Variants in STARD13 observed in about 807,000 individuals in gnomAD.
STARD13 encodes stAR-related lipid transfer protein 13.
In STARD13, 62 loss-of-function variants were observed where a neutral mutation model predicts 106.4. The observed-to-expected ratio is 0.58, with a 90% CI of 0.48 to 0.72. The LOEUF is 0.72. Among genes scored for constraint, STARD13 ranks in the 30% least tolerant of loss-of-function variants. The probability of loss-of-function intolerance (pLI) is 0.00; values close to 1 mark genes in which losing one functional copy is unlikely to be tolerated. For missense variants in STARD13, 1,387 were observed against 1,424.0 expected (o/e 0.97, Z 0.42); for synonymous variants, 565 against 553.0 (o/e 1.02, Z -0.31).
At chr13:33,293,228 T>C (rs973785748) in intron 1 of STARD13, among the ~76,000 whole-genome samples, 10 of 152,200 alleles carry the variant, frequency 6.6e-5, no homozygotes, top group Non-Finnish European at 1.0e-4. Context: ...TGCTAATTTT[T>C]CCCAGTAGAC....
the STARD13 span, among the ~76,000 whole-genome samples, chr13:33,596,921 T>C: frequency 6.6e-6 from 1 of 152,248 alleles, no homozygotes; most frequent in Non-Finnish European, 1.5e-5. Context: ...TCACATTTTC[T>C]TTGTCTATTC....
the STARD13 span, among the ~76,000 whole-genome samples, chr13:33,500,874 T>A: frequency 6.6e-6 from 1 of 152,076 alleles, no homozygotes; most frequent in Non-Finnish European, 1.5e-5. Context: ...TCTTACTGTT[T>A]TTCAATTTAA....
rs144949934 is a variant in STARD13 at position 33,124,558 on chromosome 13, C to T, written c.2082+1523G>A. Among the ~76,000 whole-genome samples the T allele has an allele frequency of 4.2e-3, 644 of 152,228 alleles. 7 individuals are homozygous for T. Among genetic ancestry groups the T allele is most frequent in the African/African-American group, 0.015 (607 of 41,524 alleles). The stretch of plus-strand genomic sequence containing the variant: ...AGGTTTTGGTGCCCTGTGTCTTTCT[C>T]TCTACTGATAAGACTTTTGCTTCTA... On this transcript the variant is annotated intron_variant, in intron 7 of 13. Transcript: ENST00000336934.
chr13:33,600,010 T>C, the STARD13 span, among the ~76,000 whole-genome samples: 1 of 152,188 alleles, frequency 6.6e-6, no homozygotes, highest in African/African-American at 2.4e-5. Flanking sequence ...AACTACGTGA[T>C]CAAACTTGCT....
At chr13:33,310,373 T>TCTTTATAAGTG (rs1893084852) in intron 1 of STARD13, among the ~76,000 whole-genome samples, 1 of 152,200 alleles carries the variant, frequency 6.6e-6, no homozygotes, top group South Asian at 2.1e-4. Context: ...CCAGCCTTCT[T>TCTTTATAAGTG]CTTTATAAGT....
the STARD13 span, among the ~76,000 whole-genome samples, chr13:33,609,912 A>T: frequency 2.6e-5 from 4 of 152,166 alleles, no homozygotes; most frequent in African/African-American, 9.7e-5. Context: ...TACACTAGGC[A>T]TGTGTGCTAG....
At chr13:33,514,244 G>T in the STARD13 span, among the ~76,000 whole-genome samples, 1 of 152,186 alleles carries the variant, frequency 6.6e-6, no homozygotes, top group African/African-American at 2.4e-5. Context: ...TGGACACAGT[G>T]TTTGGGAGGA....
chr13:33,604,799 T>TA, the STARD13 span, among the ~76,000 whole-genome samples: 1,185 of 137,680 alleles, frequency 8.6e-3, 22 homozygotes, highest in African/African-American at 0.021. Context: ...ACTTTGTCTT[T>TA]AAAAAAAAAA....
At chr13:33,611,390 T>C in the STARD13 span, 3 of 152,274 alleles carry the variant, frequency 2.0e-5, no homozygotes, top group South Asian at 2.1e-4. Flanking sequence ...GACAAAATTC[T>C]TTCCAACGCT....
At chr13:33,595,542 C>A in the STARD13 span, among the ~76,000 whole-genome samples, 6 of 151,774 alleles carry the variant, frequency 4.0e-5, no homozygotes, top group South Asian at 2.1e-4. Flanking sequence ...AGAAAGATAC[C>A]CTTATTTAAA....
the STARD13 span, among the ~76,000 whole-genome samples, chr13:33,381,884 G>A: frequency 1.3e-5 from 2 of 152,062 alleles, no homozygotes; most frequent in East Asian, 1.9e-4. Context: ...ATATGGTTTT[G>A]CATAATGATA....
chr13:33,524,329 T>C, the STARD13 span: 1 of 1,198,766 alleles, frequency 8.3e-7, no homozygotes, highest in Admixed American at 2.8e-5. Flanking sequence ...AATTCCTTTC[T>C]TCTGATGATT....
the STARD13 span, among the ~76,000 whole-genome samples, chr13:33,554,116 T>C: frequency 6.6e-6 from 1 of 152,142 alleles, no homozygotes. Context: ...TTAATAGATA[T>C]TTAACCACAT....
chr13:33,255,288 C>T (rs1008474113), intron 1 of STARD13, among the ~76,000 whole-genome samples: 1 of 152,182 alleles, frequency 6.6e-6, no homozygotes, highest in African/African-American at 2.4e-5. Context: ...CCCAGTGTCA[C>T]AACCCTTCTT....
chr13:33,366,039 G>C, the STARD13 span, among the ~76,000 whole-genome samples: 10 of 151,530 alleles, frequency 6.6e-5, no homozygotes, highest in African/African-American at 2.4e-4. The surrounding 1 kb of genome is among the most constrained non-coding windows in gnomAD (Gnocchi z 4.2). Context: ...GCCAGTTAGA[G>C]ACTTTTATCA....
chr13:33,172,461 C>G (rs1422047254), intron 1 of STARD13, among the ~76,000 whole-genome samples: 1 of 152,124 alleles, frequency 6.6e-6, no homozygotes, highest in Non-Finnish European at 1.5e-5. Flanking sequence ...AGTCTCTTAG[C>G]TACAGACAGT....
intron 1 of STARD13, among the ~76,000 whole-genome samples, chr13:33,236,708 T>C (rs1889207505): frequency 6.6e-6 from 1 of 152,170 alleles, no homozygotes; most frequent in East Asian, 1.9e-4. Flanking sequence ...CAATGCTTGA[T>C]CTTGAGGTAA....
the STARD13 span, among the ~76,000 whole-genome samples, chr13:33,555,090 T>C: frequency 6.6e-6 from 1 of 152,162 alleles, no homozygotes; most frequent in African/African-American, 2.4e-5. Context: ...TGTTCTGAGA[T>C]AACTAAGAAA....
chr13:33,391,496 C>T, the STARD13 span, among the ~76,000 whole-genome samples: 3 of 152,158 alleles, frequency 2.0e-5, no homozygotes, highest in Non-Finnish European at 4.4e-5. Context: ...ACAAGACAAT[C>T]ACACCACATA....
Sources: allele counts gnomAD v4.1 joint callset (sites outside exome capture counted in the v4.1 genomes callset), GRCh38; gene constraint gnomAD v4.1.1; non-coding constraint Gnocchi (gnomAD v3.1); transcripts MANE v1.5; gene names NCBI Gene and HGNC (gene_info 2026-07-23, HGNC 2026-07-21).